The following PRTG variants were observed in gnomAD, a reference collection of about 807,000 sequenced individuals.
PRTG encodes the protein immunoglobulin superfamily, DCC subclass, member 5.
A neutral mutation model predicts 122.5 loss-of-function variants in PRTG; 67 were observed. The observed-to-expected ratio is 0.55, with a 90% CI of 0.45 to 0.67. The LOEUF (loss-of-function observed/expected upper bound fraction) is 0.67. PRTG is among the 30% of genes least tolerant of loss of function. PRTG has a pLI of 0.00. For synonymous variants in PRTG, 554 were observed against 501.1 expected (o/e 1.11, Z -1.41); for missense variants, 1,435 against 1,415.4 (o/e 1.01, Z -0.22).
At chr15:55,673,318 C>A in intron 10 of PRTG, 53 bp downstream of exon 10, 4 of 1,276,200 alleles carry the variant, frequency 3.1e-6, no homozygotes, top group South Asian at 1.6e-5. Flanking sequence ...AGAAGAAAAA[C>A]TTGATTCAAA....
At chr15:55,635,074 G>GTGTGTGTGTGGGTGT (rs1567076962) in intron 15 of PRTG, among the ~76,000 whole-genome samples, 1 of 135,338 alleles carries the variant, frequency 7.4e-6, no homozygotes, top group African/African-American at 2.9e-5. Flanking sequence ...GTTGGTTCTG[G>GTGTGTGTGTGGGTGT]GTGTGTGTGT....
intron 2 of PRTG, among the ~76,000 whole-genome samples, chr15:55,737,849 T>C (rs1017246854): frequency 2.6e-5 from 4 of 151,566 alleles, no homozygotes; most frequent in Non-Finnish European, 5.9e-5. Context: ...CAAAAAAATA[T>C]GCTTACTGAC....
At chr15:55,721,920 C>A in intron 2 of PRTG, among the ~76,000 whole-genome samples, 1 of 152,156 alleles carries the variant, frequency 6.6e-6, no homozygotes. Flanking sequence ...AATTACCTCC[C>A]ACCAGGTCCC....
chr15:55,717,233 C>T (rs1201291183), intron 2 of PRTG, among the ~76,000 whole-genome samples: 1 of 152,098 alleles, frequency 6.6e-6, no homozygotes, highest in Non-Finnish European at 1.5e-5. Flanking sequence ...TGAAATTTCA[C>T]ATAAAATAGT....
chr15:55,617,199 T>C lies in PRTG; in HGVS notation c.*2813A>G, dbSNP rs2059145324. 1.5e-5 allele frequency: 2 copies of C among 134,662 alleles called. No individual in the cohort carries two copies. The highest frequency in any genetic ancestry group is 5.5e-5 in the African/African-American group (2 of 36,330). 8.3% of individuals were successfully genotyped at this position (134,662 alleles called of 1,614,324 possible). ...CTGTATTACTAAATATCTTATTCAA[T>C]GAGACCAAAGTATTTATTTTTGGTA... On this transcript the variant is annotated 3_prime_UTR_variant, in exon 20 of 20. Coordinates refer to ENST00000389286, the MANE Select transcript of PRTG (RefSeq NM_173814.6).
At position 55,619,193 on chromosome 15, in the gene PRTG, C is replaced by CA. The variant is rs1245111741; in HGVS notation, c.*818dup. ...TTTGGGATATAGGAGATAAAGCACT[C>CA]AGACTCTAATGCCCAAAACATAAAG... On this transcript the variant is annotated 3_prime_UTR_variant, in exon 20 of 20. Coordinates refer to ENST00000389286, the MANE Select transcript of PRTG (RefSeq NM_173814.6). The CA allele has an allele frequency of 6.6e-6, 1 of 152,114 alleles. No individual in the cohort carries two copies. Among genetic ancestry groups the CA allele is most frequent in the African/African-American group, 2.4e-5 (1 of 41,426 alleles). The allele number at this position is 152,114 out of a possible 1,614,324, so 9.4% of individuals were successfully genotyped here. A position where few individuals can be genotyped will look rare whatever the true frequency, so the allele number is the denominator to read the frequency against.
At chr15:55,651,955 C>G (rs923781426) in intron 11 of PRTG, among the ~76,000 whole-genome samples, 5 of 152,154 alleles carry the variant, frequency 3.3e-5, no homozygotes, top group African/African-American at 1.2e-4. Context: ...AATCCTCCTA[C>G]GACCAAAGGA....
chr15:55,655,071 A>C (rs2059372745), intron 11 of PRTG: 1 of 152,246 alleles, frequency 6.6e-6, no homozygotes. Context: ...TATCAGCTTC[A>C]TCAATCACAG....
intron 15 of PRTG, among the ~76,000 whole-genome samples, chr15:55,630,602 T>C (rs1272292491): frequency 2.0e-5 from 3 of 152,344 alleles, no homozygotes; most frequent in African/African-American, 7.2e-5. Flanking sequence ...TGACATTTGA[T>C]ATCTAAAGGT....
Position 55,641,187 on chromosome 15 carries a change from A to G in PRTG, c.2063T>C (p.Val688Ala). ...SGLDPRRKYH[V>A]RLLAYNNIDD... ...TATGTTGTTGTAAGCCAGGAGTCTC[A>G]CATGATATTTTCTTCTGGGGTCTAT... Residue 688 changes from valine to alanine, a missense_variant, in exon 12 of 20, where the codon GTG (valine) becomes GCG (alanine). Physicochemically the swap from Val to Ala is moderately conservative, Grantham distance 64. Coordinates refer to ENST00000389286, the MANE Select transcript of PRTG (RefSeq NM_173814.6). 6.2e-7 allele frequency: 1 copy of G among 1,613,374 alleles called. No homozygotes were observed. Among genetic ancestry groups the G allele is most frequent in the South Asian group, 1.1e-5 (1 of 91,062 alleles).
intron 2 of PRTG, among the ~76,000 whole-genome samples, chr15:55,739,718 T>C (rs1464556375): frequency 3.3e-5 from 5 of 152,152 alleles, no homozygotes; most frequent in Non-Finnish European, 5.9e-5. Context: ...GTTGATCTGA[T>C]GGGGATGTTA....
At chr15:55,679,871 C>T (rs1342168915) in intron 6 of PRTG, 183 bp downstream of exon 6, 1 of 572,804 alleles carries the variant, frequency 1.7e-6, no homozygotes, top group Non-Finnish European at 3.0e-6. Flanking sequence ...AGAATGGTGA[C>T]CTCAGAATGA....
At chr15:55,717,978 C>T (rs1365875085) in intron 2 of PRTG, among the ~76,000 whole-genome samples, 3 of 152,198 alleles carry the variant, frequency 2.0e-5, no homozygotes, top group African/African-American at 7.2e-5. Flanking sequence ...CCCTGTCCTC[C>T]TGCTCTTTGC....
intron 11 of PRTG, among the ~76,000 whole-genome samples, chr15:55,663,527 ATCTTT>A (rs2059421069): frequency 6.7e-6 from 1 of 148,596 alleles, no homozygotes; most frequent in African/African-American, 2.5e-5. Context: ...TACGTTTTCC[ATCTTT>A]TCTTTTCTTT....
intron 2 of PRTG, among the ~76,000 whole-genome samples, chr15:55,687,700 A>G (rs540874432): frequency 6.6e-6 from 1 of 152,244 alleles, no homozygotes; most frequent in Non-Finnish European, 1.5e-5. Context: ...AAAGGTTTGA[A>G]CCCAAGTATA....
chr15:55,629,375 ATGTGTGTGTGTGTGTGTGTG>A (rs59080250), intron 15 of PRTG, among the ~76,000 whole-genome samples: 31 of 47,938 alleles, frequency 6.5e-4, no homozygotes, highest in African/African-American at 1.3e-3. Flanking sequence ...ATATATATAT[ATGTGTGTGTGTGTGTGTGTG>A]TGTGTGTGTG....
chr15:55,622,797 A>G (rs1021951641), intron 18 of PRTG, among the ~76,000 whole-genome samples: 1 of 152,022 alleles, frequency 6.6e-6, no homozygotes, highest in African/African-American at 2.4e-5. Flanking sequence ...TGGCCTCCCA[A>G]AGTGCTGGAA....
intron 12 of PRTG, 77 bp downstream of exon 12, chr15:55,641,036 G>A: frequency 2.1e-6 from 2 of 966,382 alleles, no homozygotes; most frequent in Non-Finnish European, 3.3e-6. Context: ...GTAGTAGTGA[G>A]ACTGTAACTT....
In PRTG at chr15:55,737,960, G is replaced by A. The variant is rs182243704; in HGVS notation, c.397+2422C>T. On this transcript the variant is annotated intron_variant, in intron 2 of 19. Transcript: ENST00000389286. ...ACAAGGGGGAAAAGAAAACCAGAAT[G>A]TCCACTTAATGCCTATTCTCTCTCT... Among the ~76,000 whole-genome samples, 563 of 141,004 alleles carry A rather than the reference G, an allele frequency of 4.0e-3. 2 individuals are homozygous for A. Among genetic ancestry groups the A allele is most frequent in the Non-Finnish European group, 6.6e-3 (433 of 65,802 alleles). 92.5% of individuals were successfully genotyped at this position (141,004 alleles called of 152,430 possible).
Sources: allele counts gnomAD v4.1 joint callset (sites outside exome capture counted in the v4.1 genomes callset), GRCh38; gene constraint gnomAD v4.1.1; transcripts MANE v1.5; gene names NCBI Gene and HGNC (gene_info 2026-07-23, HGNC 2026-07-21).